The following AP1AR variants were observed in gnomAD, a reference collection of about 807,000 sequenced individuals.
AP1AR encodes the protein AP-1 complex-associated regulatory protein.
In AP1AR, 29 loss-of-function variants were observed where a neutral mutation model predicts 46.3. The ratio of observed to expected loss-of-function variants is 0.63; its 90% confidence interval spans 0.47 to 0.85. The LOEUF (loss-of-function observed/expected upper bound fraction) is 0.85. Among genes scored for constraint, AP1AR ranks in the 40% least tolerant of loss-of-function variants. AP1AR has a pLI of 0.00. For synonymous variants in AP1AR, 122 were observed against 122.9 expected (o/e 0.99, Z 0.05); for missense variants, 357 against 356.3 (o/e 1.00, Z -0.02).
chr4:112,255,289 A>G (rs570149757), intron 3 of AP1AR, among the ~76,000 whole-genome samples: 1 of 149,684 alleles, frequency 6.7e-6, no homozygotes, highest in African/African-American at 2.5e-5. Flanking sequence ...TCTAAGATAC[A>G]CTATATACAC....
At position 112,269,290 on chromosome 4, in the gene AP1AR, G is replaced by A. The variant is rs1726849908; in HGVS notation, c.*881G>A. 1 of 152,128 alleles carries A rather than the reference G, an allele frequency of 6.6e-6. No individual in the cohort carries two copies. The highest frequency in any genetic ancestry group is 1.5e-5 in the Non-Finnish European group (1 of 67,836). The allele number at this position is 152,128 out of a possible 1,614,324, so 9.4% of individuals were successfully genotyped here. A position where few individuals can be genotyped will look rare whatever the true frequency, so the allele number is the denominator to read the frequency against. Reference sequence around the variant, plus strand: ...AAAGAAAATCTAAAAAGGTAATACGGGTATTTCAAATAAAATCCTTTCTGG... The same window carrying A: ...AAAGAAAATCTAAAAAGGTAATACGAGTATTTCAAATAAAATCCTTTCTGG... On this transcript the variant is annotated 3_prime_UTR_variant, in exon 10 of 10. Transcript: ENST00000274000.
At chr4:112,261,014 A>T in intron 5 of AP1AR, 152 bp downstream of exon 5, 1 of 460,634 alleles carries the variant, frequency 2.2e-6, no homozygotes, top group Non-Finnish European at 3.7e-6. Context: ...AGCCTATTAT[A>T]ATTTCTTTTA....
At chr4:112,237,398 G>T (rs959831469) in intron 1 of AP1AR, among the ~76,000 whole-genome samples, 9 of 152,146 alleles carry the variant, frequency 5.9e-5, no homozygotes, top group Admixed American at 2.0e-4. Flanking sequence ...GAGCCACTGC[G>T]CCTGGCCAAA....
At chr4:112,246,686 T>G (rs1294025020) in intron 1 of AP1AR, among the ~76,000 whole-genome samples, 1 of 152,172 alleles carries the variant, frequency 6.6e-6, no homozygotes, top group Non-Finnish European at 1.5e-5. Context: ...GTAAAGACAT[T>G]ATTTTACTAT....
chr4:112,241,029 A>C (rs1725474491), intron 1 of AP1AR, among the ~76,000 whole-genome samples: 1 of 152,222 alleles, frequency 6.6e-6, no homozygotes, highest in African/African-American at 2.4e-5. Context: ...AAGACCTCTA[A>C]GGTCCCTTCT....
intron 5 of AP1AR, among the ~76,000 whole-genome samples, chr4:112,262,400 T>G (rs914530512): frequency 9.9e-5 from 15 of 152,132 alleles, no homozygotes; most frequent in African/African-American, 3.6e-4. Flanking sequence ...AGAAAAAAAT[T>G]TGTGTTGAAA....
intron 1 of AP1AR, among the ~76,000 whole-genome samples, chr4:112,252,077 C>CA (rs1036033237): frequency 6.6e-6 from 1 of 151,890 alleles, no homozygotes; most frequent in African/African-American, 2.4e-5. Context: ...CTCGTCTCTA[C>CA]AAAAAAATAA....
At chr4:112,266,451 G>T in intron 8 of AP1AR, 137 bp from the exon 9 acceptor site, 2 of 924,634 alleles carry the variant, frequency 2.2e-6, no homozygotes, top group Non-Finnish European at 3.1e-6. Flanking sequence ...CCAATAAAAT[G>T]ATTTCCAGAA....
intron 1 of AP1AR, among the ~76,000 whole-genome samples, chr4:112,232,382 G>T (rs2110459518): frequency 6.6e-6 from 1 of 152,350 alleles, no homozygotes; most frequent in African/African-American, 2.4e-5. Context: ...GGTAGAAGAG[G>T]GGGCGGGGTG....
intron 8 of AP1AR, 30 bp from the exon 9 acceptor site, chr4:112,266,558 G>A (rs1476505976): frequency 1.3e-5 from 21 of 1,601,464 alleles, no homozygotes; most frequent in Non-Finnish European, 1.7e-5. Context: ...GTAGATGAGA[G>A]TATTCAATTG....
At chr4:112,237,644 A>C (rs907285277) in intron 1 of AP1AR, among the ~76,000 whole-genome samples, 14 of 151,296 alleles carry the variant, frequency 9.3e-5, no homozygotes, top group African/African-American at 2.9e-4. Context: ...TTGTAGAGAC[A>C]CGCAGGGTTT....
intron 8 of AP1AR, 107 bp downstream of exon 8, chr4:112,265,914 T>A (rs926809847): frequency 1.5e-6 from 1 of 672,986 alleles, no homozygotes; most frequent in Non-Finnish European, 2.4e-6. Flanking sequence ...AAATTTGTAA[T>A]TCCCAGATAG....
intron 6 of AP1AR, among the ~76,000 whole-genome samples, chr4:112,264,783 A>G (rs535521595): frequency 1.3e-5 from 2 of 152,216 alleles, no homozygotes; most frequent in African/African-American, 4.8e-5. Flanking sequence ...AACACTATGA[A>G]TATTCTGGCC....
Position 112,235,793 on chromosome 4 carries a change from T to C in AP1AR, c.83+3619T>C, listed in dbSNP as rs539029776. On this transcript the variant is annotated intron_variant, in intron 1 of 9. Transcript: ENST00000274000. ...AAACATTTGGTTGCTATCTCTCTCA[T>C]TGCAGTATCTTGAACGTTGTCACCA... is the stretch of plus-strand genomic sequence containing the variant. 8.5e-5 allele frequency among the ~76,000 whole-genome samples: 13 copies of C among 152,288 alleles called. No individual in the cohort carries two copies. The South Asian group carries it at 2.7e-3, about 32-fold the overall frequency.
At chr4:112,260,730 G>GTT (rs779760002) in intron 4 of AP1AR, 36 bp from the exon 5 acceptor site, 1 of 1,420,478 alleles carries the variant, frequency 7.0e-7, no homozygotes, top group African/African-American at 1.4e-5. Context: ...AGAAGTTTTT[G>GTT]TTTTTTCTTT....
chr4:112,243,462 C>G (rs1725592613), intron 1 of AP1AR, among the ~76,000 whole-genome samples: 1 of 152,146 alleles, frequency 6.6e-6, no homozygotes, highest in Non-Finnish European at 1.5e-5. Flanking sequence ...CACCCTAGTC[C>G]ATCTTATTCT....
chr4:112,253,313 T>G, intron 2 of AP1AR, 57 bp downstream of exon 2: 1 of 1,343,374 alleles, frequency 7.4e-7, no homozygotes, highest in Non-Finnish European at 1.1e-6. Context: ...CGGAAGGGGC[T>G]TTTTGTTGTA....
intron 3 of AP1AR, 61 bp from the exon 4 acceptor site, chr4:112,257,711 T>C: frequency 7.6e-7 from 1 of 1,316,376 alleles, no homozygotes; most frequent in South Asian, 1.4e-5. Context: ...ATTGTATTGG[T>C]TACTTTAAAT....
chr4:112,257,924 A>T (rs4834248), intron 4 of AP1AR, 127 bp downstream of exon 4: 384,917 of 727,520 alleles, frequency 0.53, 108,752 homozygotes, highest in African/African-American at 0.83. Flanking sequence ...GAACTTTCAG[A>T]TTTTTCTTTT....
Sources: allele counts gnomAD v4.1 joint callset (sites outside exome capture counted in the v4.1 genomes callset), GRCh38; gene constraint gnomAD v4.1.1; transcripts MANE v1.5; gene names NCBI Gene and HGNC (gene_info 2026-07-23, HGNC 2026-07-21).